Variants in PTTG1IP observed in about 807,000 individuals in gnomAD.
The protein encoded by PTTG1IP is pituitary tumor-transforming gene 1 protein-interacting protein.
Under a neutral mutation model 24.4 loss-of-function variants are expected in PTTG1IP, and 16 were observed. The observed-to-expected ratio is 0.66, with a 90% confidence interval of 0.44 to 1.00. The LOEUF (loss-of-function observed/expected upper bound fraction) is 1.00, where lower values mean the gene tolerates loss of function less well. PTTG1IP is among the 50% of genes least tolerant of loss of function. The pLI, the probability that PTTG1IP is intolerant of heterozygous loss-of-function variation, is 0.00. For synonymous variants in PTTG1IP, 89 were observed against 96.8 expected (o/e 0.92, Z 0.47); for missense variants, 241 against 245.8 (o/e 0.98, Z 0.13).
chr21:44,861,549 C>CT (rs200392558), intron 2 of PTTG1IP, among the ~76,000 whole-genome samples: 2,377 of 152,284 alleles, frequency 0.016, 29 homozygotes, highest in South Asian at 0.051. Flanking sequence ...CACGGGGCCT[C>CT]TGTGTTGGCA....
rs571165587 is a variant in PTTG1IP, at chr21:44,851,247, G to T, written c.*334C>A. The stretch of plus-strand genomic sequence containing the variant: ...AGAAACGCAGGGTTCTGCCCTGGGA[G>T]AATGACAGCCACAGCGCTGGGTGCC... On this transcript the variant is annotated 3_prime_UTR_variant, in exon 6 of 6. Transcript: ENST00000330938. 36 of 1,224,808 alleles carry T rather than the reference G, an allele frequency of 2.9e-5. No homozygotes were observed. The African/African-American group carries it at 5.5e-4, about 19-fold the overall frequency. 75.9% of individuals were successfully genotyped at this position (1,224,808 alleles called of 1,614,324 possible).
intron 1 of PTTG1IP, among the ~76,000 whole-genome samples, chr21:44,871,618 G>A (rs749550644): frequency 6.6e-6 from 1 of 152,136 alleles, no homozygotes; most frequent in Non-Finnish European, 1.5e-5. Flanking sequence ...GAGACAAAAC[G>A]TTTTAAACAT....
chr21:44,859,605 C>T (rs936790157), intron 3 of PTTG1IP, among the ~76,000 whole-genome samples: 7 of 152,174 alleles, frequency 4.6e-5, no homozygotes, highest in African/African-American at 1.4e-4. Flanking sequence ...AAGGGCAAGG[C>T]TCCCCAGGTC....
At chr21:44,862,380 G>A (rs543151603) in intron 2 of PTTG1IP, among the ~76,000 whole-genome samples, 4 of 152,330 alleles carry the variant, frequency 2.6e-5, no homozygotes, top group South Asian at 2.1e-4. Context: ...TAAGCCGGGC[G>A]TGGTGGCACA....
At chr21:44,867,575 C>T (rs918884835) in intron 1 of PTTG1IP, among the ~76,000 whole-genome samples, 1 of 152,252 alleles carries the variant, frequency 6.6e-6, no homozygotes, top group African/African-American at 2.4e-5. Context: ...AACAAGACAA[C>T]TGCTGAACTC....
chr21:44,873,433 C>G (rs996464515), intron 1 of PTTG1IP, 69 bp downstream of exon 1: 2 of 1,232,944 alleles, frequency 1.6e-6, no homozygotes, highest in South Asian at 3.0e-5. Flanking sequence ...AAACCCCGAC[C>G]CCGACCCCGA....
At chr21:44,854,729 C>T (rs2083435987) in intron 5 of PTTG1IP, among the ~76,000 whole-genome samples, 1 of 152,196 alleles carries the variant, frequency 6.6e-6, no homozygotes. Context: ...TCTCCAGACA[C>T]AACCAAACAA....
In PTTG1IP at chr21:44,851,528, G is replaced by T; in HGVS notation, c.*53C>A. The T allele has an allele frequency of 6.2e-7, 1 of 1,614,006 alleles. No homozygotes were observed. Among genetic ancestry groups the T allele is most frequent in the Non-Finnish European group, 8.5e-7 (1 of 1,179,876 alleles). On this transcript the variant is annotated 3_prime_UTR_variant, in exon 6 of 6. Coordinates refer to ENST00000330938, the MANE Select transcript of PTTG1IP (RefSeq NM_004339.4). ...CCACGTGGTCTCCCGGCTGGGCTGG[G>T]CTGCGGAGCGTGCACCTCACAGGAA... is the stretch of plus-strand genomic sequence containing the variant.
intron 3 of PTTG1IP, among the ~76,000 whole-genome samples, chr21:44,857,802 C>A (rs533442877): frequency 6.6e-6 from 1 of 152,356 alleles, no homozygotes; most frequent in African/African-American, 2.4e-5. Flanking sequence ...TACATCTGAT[C>A]AAATGCCTTT....
At chr21:44,871,061 C>CA (rs1437687016) in intron 1 of PTTG1IP, among the ~76,000 whole-genome samples, 6 of 152,192 alleles carry the variant, frequency 3.9e-5, no homozygotes, top group Non-Finnish European at 8.8e-5. Flanking sequence ...GTGACAGAGG[C>CA]ATGGAGAACA....
chr21:44,857,921 G>A (rs1407899111), intron 3 of PTTG1IP, among the ~76,000 whole-genome samples: 1 of 152,214 alleles, frequency 6.6e-6, no homozygotes, highest in East Asian at 1.9e-4. Flanking sequence ...ATTGGCAGAA[G>A]ATGTCATTTT....
intron 5 of PTTG1IP, among the ~76,000 whole-genome samples, chr21:44,854,967 A>T (rs1162207908): frequency 6.6e-6 from 1 of 152,242 alleles, no homozygotes; most frequent in African/African-American, 2.4e-5. Context: ...CTCGATAAGC[A>T]AACAGCTATC....
At position 44,861,174 on chromosome 21, in the gene PTTG1IP, C is replaced by G; in HGVS notation, c.266G>C (p.Gly89Ala). Residue 89 changes from glycine to alanine, a missense_variant, in exon 3 of 6, where the codon GGA becomes GCA. Physicochemically the swap from Gly to Ala is moderately conservative, Grantham distance 60. Coordinates refer to ENST00000330938, the MANE Select transcript of PTTG1IP (RefSeq NM_004339.4). ...AAACAATGACTTACCCCAACAAACT[C>G]CCCAGCGTGCAGAGCTCAATTTACA... ...SLCKLSSARW[G>A]VCWVNFEALI... The G allele has an allele frequency of 6.2e-7, 1 of 1,612,690 alleles. No homozygotes were observed. Among genetic ancestry groups the G allele is most frequent in the Non-Finnish European group, 8.5e-7 (1 of 1,179,128 alleles).
chr21:44,854,858 G>A (rs912213333), intron 5 of PTTG1IP, among the ~76,000 whole-genome samples: 4 of 152,116 alleles, frequency 2.6e-5, no homozygotes, highest in Admixed American at 6.5e-5. Context: ...TGAGAGGGCC[G>A]CCCTGAAACT....
chr21:44,852,799 T>C (rs1348608606), intron 5 of PTTG1IP, among the ~76,000 whole-genome samples: 1 of 151,972 alleles, frequency 6.6e-6, no homozygotes, highest in Non-Finnish European at 1.5e-5. Context: ...AAAAGAAGGG[T>C]TTTTGCGTGC....
rs749089333 is a variant in PTTG1IP, at chr21:44,851,433, G to A, written c.*148C>T. 6.3e-7 allele frequency: 1 copy of A among 1,598,638 alleles called. No individual in the cohort carries two copies. Among genetic ancestry groups the A allele is most frequent in the Non-Finnish European group, 8.5e-7 (1 of 1,175,722 alleles). On this transcript the variant is annotated 3_prime_UTR_variant, in exon 6 of 6. Transcript: ENST00000330938. ...GCAAGACGAGAGGACTGTCCTTCAG[G>A]GGCAGCTCTCCGGCCGCCTGTCCTG...
chr21:44,851,737 C>T (rs1210687878), intron 5 of PTTG1IP, 110 bp from the exon 6 acceptor site: 1 of 1,362,956 alleles, frequency 7.3e-7, no homozygotes, highest in Non-Finnish European at 1.0e-6. Context: ...GCTATAGCAA[C>T]AACGGGCATT....
At position 44,873,566 on chromosome 21, in the gene PTTG1IP, G is replaced by A; in HGVS notation, c.51C>T (p.Leu17=). The change falls in exon 1 of 6, where the codon CTC becomes CTT. Residue 17 remains leucine, a synonymous_variant. Coordinates refer to ENST00000330938, the MANE Select transcript of PTTG1IP (RefSeq NM_004339.4). ...RGPTPYWRLR[L]GGAALLLLLI... is the part of the protein sequence containing the mutation. ...GCAGCAGGAGCAGCGCGGCGCCACC[G>A]AGGCGCAACCTCCAGTACGGCGTCG... The A allele has an allele frequency of 1.4e-6, 2 of 1,471,960 alleles. No individual in the cohort carries two copies. The highest frequency in any genetic ancestry group is 1.8e-6 in the Non-Finnish European group (2 of 1,117,200). The allele number at this position is 1,471,960 out of a possible 1,614,324, so 91.2% of individuals were successfully genotyped here.
In PTTG1IP at chr21:44,851,189, T is replaced by C; in HGVS notation, c.*392A>G. ...ATGACAAAAGTCAAACCGACTTCCC[T>C]GTGTTGCGTGTGAAGCTTGTTAGTG... On this transcript the variant is annotated 3_prime_UTR_variant, in exon 6 of 6. Transcript: ENST00000330938. 1.3e-6 allele frequency: 1 copy of C among 778,530 alleles called. No individual in the cohort carries two copies. The highest frequency in any genetic ancestry group is 2.1e-5 in the South Asian group (1 of 48,576). The allele number at this position is 778,530 out of a possible 1,614,324, so 48.2% of individuals were successfully genotyped here. A position where few individuals can be genotyped will look rare whatever the true frequency, so the allele number is the denominator to read the frequency against.
Sources: gnomAD v4.1 joint callset for allele counts (sites outside exome capture counted in the v4.1 genomes callset) on GRCh38, gnomAD v4.1.1 for gene constraint, MANE v1.5 for transcripts, NCBI Gene and HGNC (gene_info 2026-07-23, HGNC 2026-07-21) for gene names.